Variants in PTPRF observed in about 807,000 individuals in gnomAD.
PTPRF encodes receptor-type tyrosine-protein phosphatase F.
Under a neutral mutation model 201.8 loss-of-function variants are expected in PTPRF, and 59 were observed. The observed-to-expected ratio is 0.29, with a 90% CI of 0.24 to 0.36. The LOEUF is 0.36. Ranked by LOEUF, PTPRF falls within the 10% of genes least tolerant of loss-of-function variation. PTPRF has a pLI of 1.00. For synonymous variants in PTPRF, 1,088 were observed against 1,089.7 expected (o/e 1.00, Z 0.03); for missense variants, 2,132 against 2,690.5 (o/e 0.79, Z 4.59).
chr1:43,534,137 A>T (rs1643872064), intron 1 of PTPRF, among the ~76,000 whole-genome samples: 1 of 152,166 alleles, frequency 6.6e-6, no homozygotes, highest in Non-Finnish European at 1.5e-5. Flanking sequence ...AGGACTTGAG[A>T]TAGATAAAAA....
Position 43,619,619 on chromosome 1 carries a change from C to A in PTPRF, c.4932+46C>A, listed in dbSNP as rs1399879942. On this transcript the variant is annotated intron_variant, in intron 28 of 33. Transcript: ENST00000359947. The stretch of plus-strand genomic sequence containing the variant: ...CTTGGCTCCAGGGCCTAGACTGGGT[C>A]ATGCAGATGACCCCCACCCCCACAG... 2.5e-6 allele frequency: 4 copies of A among 1,610,328 alleles called. No individual in the cohort carries two copies. The African/African-American group carries it at 5.3e-5, about 22-fold the overall frequency.
intron 1 of PTPRF, among the ~76,000 whole-genome samples, chr1:43,536,904 G>A (rs970446289): frequency 7.9e-5 from 12 of 152,172 alleles, no homozygotes; most frequent in African/African-American, 2.9e-4. Context: ...TGGCAGAGGT[G>A]GTTAGTGCAA....
At chr1:43,575,763 T>G in intron 6 of PTPRF, 1 of 593,320 alleles carries the variant, frequency 1.7e-6, no homozygotes, top group Non-Finnish European at 2.8e-6. Context: ...ACACTGTCCG[T>G]GTCGGCCTAA....
At chr1:43,595,446 T>G (rs1481922800) in intron 11 of PTPRF, among the ~76,000 whole-genome samples, 4 of 152,122 alleles carry the variant, frequency 2.6e-5, no homozygotes, top group Non-Finnish European at 5.9e-5. Flanking sequence ...GGTCTGGATC[T>G]CCTGACCTCG....
intron 1 of PTPRF, among the ~76,000 whole-genome samples, chr1:43,534,924 G>A (rs781305294): frequency 1.3e-5 from 2 of 152,176 alleles, no homozygotes; most frequent in African/African-American, 2.4e-5. Context: ...ATAAAAACCC[G>A]TGCCTTATAA....
At chr1:43,530,713 G>T (rs1174481985), upstream of PTPRF, among the ~76,000 whole-genome samples, 1 of 152,110 alleles carries the variant, frequency 6.6e-6, no homozygotes, top group East Asian at 1.9e-4. This position sits in a 1 kb window ranked among gnomAD's most constrained non-coding sequence, Gnocchi z 4.1. Flanking sequence ...TTGAGGTTCC[G>T]GTCGGTTTCG....
chr1:43,589,027 T>C, intron 8 of PTPRF, 27 bp downstream of exon 8: 2 of 1,510,570 alleles, frequency 1.3e-6, no homozygotes, highest in Non-Finnish European at 1.8e-6. Context: ...CTGTAACCAG[T>C]GCCCTCCCTG....
rs747539756 is a variant in PTPRF, at chr1:43,617,944, G to A, written c.4371+33G>A. On this transcript the variant is annotated intron_variant, in intron 25 of 33. Transcript: ENST00000359947. The stretch of plus-strand genomic sequence containing the variant: ...TGCAGGGCCCTGCCAGGAGGCGGGT[G>A]GGAAATGCCCAGCCACAAGGTGATA... The A allele has an allele frequency of 1.9e-5, 30 of 1,583,246 alleles. No homozygotes were observed. In the Admixed American group the frequency reaches 5.0e-4, roughly 26 times the overall value.
chr1:43,575,350 G>T (rs1009951975), intron 6 of PTPRF, among the ~76,000 whole-genome samples: 1 of 152,112 alleles, frequency 6.6e-6, no homozygotes, highest in East Asian at 1.9e-4. Flanking sequence ...GCTTTCTAGG[G>T]ACTCTGTCTC....
In PTPRF at chr1:43,542,422, A is replaced by C. The variant is rs542295691; in HGVS notation, c.-45-2609A>C. ...ACCACTGGAAGAAGCTCTCTGTTCT[A>C]CTTTCTGGATCTGAACAAAGTGTCC... On this transcript the variant is annotated intron_variant, in intron 2 of 33. Transcript: ENST00000359947. This position sits in a 1 kb window ranked among gnomAD's most constrained non-coding sequence, Gnocchi z 5.2. Among the ~76,000 whole-genome samples the C allele has an allele frequency of 6.6e-6, 1 of 152,004 alleles. No homozygotes were observed. The highest frequency in any genetic ancestry group is 1.5e-5 in the Non-Finnish European group (1 of 67,974).
intron 5 of PTPRF, among the ~76,000 whole-genome samples, chr1:43,558,508 C>G (rs1036620799): frequency 3.9e-5 from 6 of 152,178 alleles, no homozygotes; most frequent in Admixed American, 1.3e-4. Flanking sequence ...GTGGGGGTGC[C>G]CAGCACAAGC....
chr1:43,533,771 C>G (rs1038736964), intron 1 of PTPRF, among the ~76,000 whole-genome samples: 1 of 152,190 alleles, frequency 6.6e-6, no homozygotes, highest in African/African-American at 2.4e-5. Context: ...GCCCTACCCT[C>G]GAGAAGCTCG....
chr1:43,523,293 G>A (rs1490837375), upstream of PTPRF, among the ~76,000 whole-genome samples: 1 of 152,178 alleles, frequency 6.6e-6, no homozygotes, highest in Non-Finnish European at 1.5e-5. Context: ...TACACAAGAG[G>A]TTCCCTGGGT....
chr1:43,571,328 T>G (rs966217751), intron 6 of PTPRF, among the ~76,000 whole-genome samples: 1 of 152,180 alleles, frequency 6.6e-6, no homozygotes, highest in Non-Finnish European at 1.5e-5. Context: ...CTTTGCCCTA[T>G]GGACACAGCC....
chr1:43,590,723 C>A (rs1650453771), intron 8 of PTPRF, among the ~76,000 whole-genome samples: 1 of 152,170 alleles, frequency 6.6e-6, no homozygotes, highest in African/African-American at 2.4e-5. Flanking sequence ...CCAGTGAATC[C>A]CACAGTTGAT....
intron 23 of PTPRF, among the ~76,000 whole-genome samples, chr1:43,617,162 G>A (rs189342392): frequency 1.4e-3 from 216 of 152,172 alleles, no homozygotes; most frequent in African/African-American, 5.0e-3. Flanking sequence ...GTGAGTGCAG[G>A]GCTTCGAGAG....
At chr1:43,612,672 C>G (rs1405994492) in intron 22 of PTPRF, 6 of 1,151,814 alleles carry the variant, frequency 5.2e-6, no homozygotes, top group Non-Finnish European at 7.1e-6. Flanking sequence ...GGCACCTCCA[C>G]TGTGTGTGAT....
Position 43,554,856 on chromosome 1 carries a change from TC to T in PTPRF, c.379+916del, listed in dbSNP as rs142163753. 0.026 allele frequency among the ~76,000 whole-genome samples: 3,837 copies of T among 145,098 alleles called. 235 individuals are homozygous for T. Among genetic ancestry groups the T allele is most frequent in the African/African-American group, 0.098 (3,574 of 36,324 alleles). On this transcript the variant is annotated intron_variant, in intron 5 of 33. Coordinates refer to ENST00000359947, the MANE Select transcript of PTPRF (RefSeq NM_002840.5). The surrounding 1 kb of genome is among the most constrained non-coding windows in gnomAD (Gnocchi z 4.1). ...CTTTTTTTTCTTTTCTTTCTTTCTT[TC>T]TTTTTTTTTTTTTGAGATGCAGTCT...
At chr1:43,561,713 C>T (rs1372298185) in intron 5 of PTPRF, among the ~76,000 whole-genome samples, 1 of 152,162 alleles carries the variant, frequency 6.6e-6, no homozygotes, top group East Asian at 1.9e-4. Context: ...TGAGGTTCTA[C>T]AATCATTTCC....
Sources: gnomAD v4.1 joint callset for allele counts (sites outside exome capture counted in the v4.1 genomes callset) on GRCh38, gnomAD v4.1.1 for gene constraint, Gnocchi (gnomAD v3.1) non-coding constraint, MANE v1.5 for transcripts, NCBI Gene and HGNC (gene_info 2026-07-23, HGNC 2026-07-21) for gene names.